Variants in IQGAP2 observed in about 807,000 individuals in gnomAD.
IQGAP2 encodes IQ motif containing GTPase activating protein 2, also known as ras GTPase-activating-like protein IQGAP2.
IQGAP2 carries 173 observed loss-of-function variants against 201.3 expected under a neutral mutation model. The observed-to-expected ratio is 0.86, with a 90% CI of 0.76 to 0.98. The LOEUF (loss-of-function observed/expected upper bound fraction) is 0.98. Ranked by LOEUF, IQGAP2 falls within the 50% of genes least tolerant of loss-of-function variation. IQGAP2 has a pLI of 0.00. For missense variants in IQGAP2, 1,687 were observed against 1,864.8 expected (o/e 0.90, Z 1.76); for synonymous variants, 675 against 673.9 (o/e 1.00, Z -0.03).
intron 2 of IQGAP2, among the ~76,000 whole-genome samples, chr5:76,552,774 T>TG (rs1743648057): frequency 6.6e-6 from 1 of 152,174 alleles, no homozygotes; most frequent in African/African-American, 2.4e-5. Context: ...GAACACAGTT[T>TG]GGGGAAGCTT....
intron 14 of IQGAP2, among the ~76,000 whole-genome samples, chr5:76,630,764 T>C (rs1305235251): frequency 6.6e-6 from 1 of 152,208 alleles, no homozygotes; most frequent in Non-Finnish European, 1.5e-5. Flanking sequence ...GAAAGGGCTA[T>C]GTCTACCCAT....
intron 8 of IQGAP2, 103 bp downstream of exon 8, chr5:76,590,689 T>TAGAGAAAATAGCCAA: frequency 2.4e-6 from 2 of 850,088 alleles, no homozygotes; most frequent in Non-Finnish European, 3.6e-6. Flanking sequence ...CAATTGGCTA[T>TAGAGAAAATAGCCAA]TTTCTCTATA....
chr5:76,502,411 C>T (rs915541038), intron 2 of IQGAP2, among the ~76,000 whole-genome samples: 4 of 152,180 alleles, frequency 2.6e-5, no homozygotes, highest in Admixed American at 6.5e-5. Flanking sequence ...GGAAAATTCC[C>T]TGCCTGTGAC....
intron 10 of IQGAP2, among the ~76,000 whole-genome samples, chr5:76,599,609 CAT>C (rs1311949952): frequency 6.6e-6 from 1 of 152,108 alleles, no homozygotes; most frequent in Non-Finnish European, 1.5e-5. Flanking sequence ...AATTTACTTA[CAT>C]GCTCTCGATG....
intron 3 of IQGAP2, among the ~76,000 whole-genome samples, chr5:76,565,900 G>A (rs565048904): frequency 2.0e-5 from 3 of 152,254 alleles, no homozygotes; most frequent in South Asian, 2.1e-4. Context: ...AGACTACTGA[G>A]TCAGGCAGCA....
chr5:76,596,895 A>G (rs1024539136), intron 9 of IQGAP2, among the ~76,000 whole-genome samples: 2 of 152,206 alleles, frequency 1.3e-5, no homozygotes, highest in African/African-American at 4.8e-5. Flanking sequence ...TGTTGCAGCA[A>G]TATGTCCGAG....
chr5:76,672,962 G>A lies in IQGAP2; in HGVS notation c.3069-487G>A, dbSNP rs1019768890. ...GGAGATATACCTAATGCTAAATGAC[G>A]AGTTAATGGGTGCAGTACACCAGCA... is the stretch of plus-strand genomic sequence containing the variant. On this transcript the variant is annotated intron_variant, in intron 24 of 35. Coordinates refer to ENST00000274364, the MANE Select transcript of IQGAP2 (RefSeq NM_006633.5). 2.2e-4 allele frequency among the ~76,000 whole-genome samples: 33 copies of A among 151,378 alleles called. 1 individual carries two copies. The highest frequency in any genetic ancestry group is 7.4e-5 in the Non-Finnish European group (5 of 67,910).
At chr5:76,609,155 T>A in intron 12 of IQGAP2, 1 of 1,535,958 alleles carries the variant, frequency 6.5e-7, no homozygotes, top group Middle Eastern at 1.7e-4. Flanking sequence ...TTCAATCAAG[T>A]CAGCTGAAAT....
chr5:76,464,329 A>G (rs958970359), intron 2 of IQGAP2, among the ~76,000 whole-genome samples: 1 of 152,162 alleles, frequency 6.6e-6, no homozygotes. Context: ...AGATGAGAGG[A>G]TTTATTGCAT....
intron 20 of IQGAP2, among the ~76,000 whole-genome samples, chr5:76,657,136 C>A (rs1191394951): frequency 6.6e-6 from 1 of 152,166 alleles, no homozygotes; most frequent in African/African-American, 2.4e-5. Flanking sequence ...CGAGCCATAA[C>A]AATTAGTAAA....
intron 4 of IQGAP2, among the ~76,000 whole-genome samples, chr5:76,574,301 T>A (rs1745320591): frequency 2.6e-5 from 4 of 152,254 alleles, no homozygotes; most frequent in African/African-American, 9.6e-5. Context: ...GTTGATTTGT[T>A]TGTTCGTTTG....
intron 2 of IQGAP2, among the ~76,000 whole-genome samples, chr5:76,468,966 G>GT (rs1210463932): frequency 2.0e-5 from 3 of 152,202 alleles, no homozygotes; most frequent in African/African-American, 7.2e-5. Flanking sequence ...AATGAATAAC[G>GT]TAATGCCCAG....
chr5:76,587,838 T>C (rs1423226331), intron 5 of IQGAP2, among the ~76,000 whole-genome samples: 2 of 150,660 alleles, frequency 1.3e-5, no homozygotes, highest in East Asian at 3.9e-4. Context: ...CCCAGCTAGT[T>C]GGGAAGCTGA....
chr5:76,624,518 T>C (rs1277476903), intron 13 of IQGAP2: 1 of 152,222 alleles, frequency 6.6e-6, no homozygotes, highest in Non-Finnish European at 1.5e-5. Flanking sequence ...ACATAATATA[T>C]GGTTATACAA....
At chr5:76,697,966 A>G in intron 32 of IQGAP2, 21 bp from the exon 33 acceptor site, 2 of 1,591,244 alleles carry the variant, frequency 1.3e-6, no homozygotes, top group Non-Finnish European at 1.7e-6. Context: ...TAAATATGAT[A>G]CCCCTTACTT....
chr5:76,587,689 A>G (rs557891337), intron 5 of IQGAP2, among the ~76,000 whole-genome samples: 2 of 152,256 alleles, frequency 1.3e-5, no homozygotes, highest in African/African-American at 4.8e-5. Flanking sequence ...ACGATGGCTC[A>G]TGCCTATAAT....
intron 32 of IQGAP2, among the ~76,000 whole-genome samples, chr5:76,696,095 A>G (rs1746717742): frequency 6.6e-6 from 1 of 152,160 alleles, no homozygotes; most frequent in East Asian, 1.9e-4. Flanking sequence ...GGGGCCTCCC[A>G]AGCAGTTGAT....
At chr5:76,663,775 C>T (rs1199070518) in intron 21 of IQGAP2, among the ~76,000 whole-genome samples, 5 of 151,846 alleles carry the variant, frequency 3.3e-5, no homozygotes, top group African/African-American at 9.7e-5. Context: ...TCAAGCCATC[C>T]TCCCATGTTG....
intron 2 of IQGAP2, among the ~76,000 whole-genome samples, chr5:76,546,382 C>T (rs1476854629): frequency 6.6e-6 from 1 of 152,124 alleles, no homozygotes; most frequent in Non-Finnish European, 1.5e-5. Context: ...TTGCAGTGAG[C>T]TGAGATCATG....
Sources: gnomAD v4.1 joint callset for allele counts (sites outside exome capture counted in the v4.1 genomes callset) on GRCh38, gnomAD v4.1.1 for gene constraint, MANE v1.5 for transcripts, NCBI Gene and HGNC (gene_info 2026-07-23, HGNC 2026-07-21) for gene names.